The following BAIAP2 variants were observed in gnomAD, a reference collection of about 807,000 sequenced individuals.
BAIAP2 encodes BAR/IMD domain containing adaptor protein 2.
In BAIAP2, 18 loss-of-function variants were observed where a neutral mutation model predicts 63.0. The ratio of observed to expected loss-of-function variants is 0.29; its 90% CI spans 0.20 to 0.42. The LOEUF is 0.42. BAIAP2 is among the 10% of genes least tolerant of loss of function. BAIAP2 has a pLI of 1.00. For missense variants in BAIAP2, 610 were observed against 734.3 expected (o/e 0.83, Z 1.96); for synonymous variants, 386 against 307.6 (o/e 1.25, Z -2.67).
At chr17:81,049,182 G>C (rs1489364090) in intron 1 of BAIAP2, among the ~76,000 whole-genome samples, 8 of 152,258 alleles carry the variant, frequency 5.3e-5, no homozygotes, top group Admixed American at 5.2e-4. Flanking sequence ...CCTGGAGTTT[G>C]AGGAGTGTGG....
intron 3 of BAIAP2, chr17:81,083,152 AG>A (rs1381408056): frequency 6.6e-6 from 1 of 152,324 alleles, no homozygotes; most frequent in African/African-American, 2.4e-5. Context: ...TCGCCCGGTT[AG>A]GGCTTCCTGC....
At chr17:81,072,507 TG>T (rs2052874182) in intron 3 of BAIAP2, among the ~76,000 whole-genome samples, 1 of 152,210 alleles carries the variant, frequency 6.6e-6, no homozygotes, top group South Asian at 2.1e-4. Context: ...AGGCCCCACT[TG>T]GGCCACAGCC....
At chr17:81,069,276 T>C (rs1248530215) in intron 3 of BAIAP2, among the ~76,000 whole-genome samples, 2 of 152,216 alleles carry the variant, frequency 1.3e-5, no homozygotes, top group Non-Finnish European at 2.9e-5. Context: ...CCAACTGGAC[T>C]GTGTCCCGGG....
chr17:81,073,975 G>C (rs1298727220), intron 3 of BAIAP2, among the ~76,000 whole-genome samples: 4 of 152,202 alleles, frequency 2.6e-5, no homozygotes, highest in African/African-American at 9.7e-5. Context: ...ATGCTGATTT[G>C]TTTTCCTAAA....
At chr17:81,052,648 G>A (rs552926822) in intron 1 of BAIAP2, among the ~76,000 whole-genome samples, 2 of 152,336 alleles carry the variant, frequency 1.3e-5, no homozygotes, top group South Asian at 2.1e-4. Flanking sequence ...CCCGTGGTGG[G>A]GAGTGGCTTC....
intron 1 of BAIAP2, chr17:81,053,452 C>A: frequency 1.7e-6 from 1 of 588,478 alleles, no homozygotes. Context: ...CCCCTTTGCA[C>A]AGGTGTGAAA....
intron 7 of BAIAP2, 112 bp downstream of exon 7, chr17:81,100,192 C>T (rs2058297282): frequency 6.6e-6 from 9 of 1,356,282 alleles, no homozygotes; most frequent in East Asian, 5.4e-5. Flanking sequence ...TGTCCAGGCT[C>T]GAACTCTCGT....
chr17:81,104,976 A>AGCAGGGATCTCCCCCCAATG (rs1568181381), intron 10 of BAIAP2: 3 of 346,232 alleles, frequency 8.7e-6, no homozygotes, highest in East Asian at 6.6e-5. Flanking sequence ...TCCCCCCAAC[A>AGCAGGGATCTCCCCCCAATG]GCAGGGATCT....
At chr17:81,067,286 C>A (rs1265715788) in intron 3 of BAIAP2, among the ~76,000 whole-genome samples, 1 of 152,260 alleles carries the variant, frequency 6.6e-6, no homozygotes, top group Non-Finnish European at 1.5e-5. Context: ...CTGCCTCCCG[C>A]CCCATGGGGA....
chr17:81,060,799 A>T lies in BAIAP2; in HGVS notation c.217+2832A>T, dbSNP rs1043635234. Among the ~76,000 whole-genome samples, 3 of 152,256 alleles carry T rather than the reference A, an allele frequency of 2.0e-5. No individual in the cohort carries two copies. The South Asian group carries it at 6.2e-4, about 32-fold the overall frequency. ...CCCTCGGCTGCGTGTCTAAGAGGGCAGGTTTATGCCATTCCTCCTCCTCCT... is the reference window on the plus strand; with the variant it reads ...CCCTCGGCTGCGTGTCTAAGAGGGCTGGTTTATGCCATTCCTCCTCCTCCT... On this transcript the variant is annotated intron_variant, in intron 3 of 13. Transcript: ENST00000428708.
intron 12 of BAIAP2, chr17:81,108,102 CAGGGGCCCGCCCAGGCATGGGTG>C: frequency 3.1e-6 from 1 of 320,922 alleles, no homozygotes; most frequent in Non-Finnish European, 5.8e-6. Context: ...GGAGGAGTCC[CAGGGGCCCGCCCAGGCATGGGTG>C]AGGTGCTGCA....
chr17:81,075,220 G>A (rs1484977876), intron 3 of BAIAP2, among the ~76,000 whole-genome samples: 1 of 152,226 alleles, frequency 6.6e-6, no homozygotes, highest in African/African-American at 2.4e-5. Flanking sequence ...CGGCGGCCAG[G>A]TCTGCGCCTG....
intron 3 of BAIAP2, among the ~76,000 whole-genome samples, chr17:81,060,450 G>A (rs1408239621): frequency 2.0e-5 from 3 of 152,202 alleles, no homozygotes; most frequent in South Asian, 2.1e-4. Context: ...CATACGGTGT[G>A]TGACCTTCTG....
Position 81,110,306 on chromosome 17 carries a change from C to T in BAIAP2, c.1535+1797C>T, listed in dbSNP as rs2059761737. On this transcript the variant is annotated intron_variant, in intron 13 of 13. Transcript: ENST00000428708. Reference sequence around the variant, plus strand: ...GACCGGGCCCTGTGTAGAGACCCTTCCGCGCCGGCGTTCCCGCTCCGCTAA... The same window carrying T: ...GACCGGGCCCTGTGTAGAGACCCTTTCGCGCCGGCGTTCCCGCTCCGCTAA... 6 of 986,236 alleles carry T rather than the reference C, an allele frequency of 6.1e-6. No homozygotes were observed. In the African/African-American group the frequency reaches 8.7e-5, roughly 14 times the overall value. The allele number at this position is 986,236 out of a possible 1,614,324, so 61.1% of individuals were successfully genotyped here. A position where few individuals can be genotyped will look rare whatever the true frequency, so the allele number is the denominator to read the frequency against.
chr17:81,082,255 G>A (rs138561838), intron 3 of BAIAP2, among the ~76,000 whole-genome samples: 2 of 152,158 alleles, frequency 1.3e-5, no homozygotes, highest in Admixed American at 6.5e-5. Flanking sequence ...ACCCGTGTAC[G>A]GTTCACGCTT....
Position 81,108,517 on chromosome 17 carries a change from G to A in BAIAP2, c.1535+8G>A, listed in dbSNP as rs777093471. 1.2e-6 allele frequency: 2 copies of A among 1,613,892 alleles called. No individual in the cohort carries two copies. Among genetic ancestry groups the A allele is most frequent in the African/African-American group, 1.3e-5 (1 of 75,060 alleles). The stretch of plus-strand genomic sequence containing the variant: ...AGCGCGGTCCATGAGCAGGTAAGGG[G>A]ACTTTCAGACCTGTCTTTGGGACCG... On this transcript the variant is annotated splice_region_variant and intron_variant, in intron 13 of 13. Coordinates refer to ENST00000428708, the MANE Select transcript of BAIAP2 (RefSeq NM_001144888.2).
intron 13 of BAIAP2, chr17:81,110,980 G>T (rs149159500): frequency 2.5e-6 from 4 of 1,613,606 alleles, no homozygotes; most frequent in South Asian, 1.1e-5. Flanking sequence ...TGGCGTTCTC[G>T]TGCAGTCACT....
intron 3 of BAIAP2, among the ~76,000 whole-genome samples, chr17:81,063,401 G>A (rs112521998): frequency 0.05 from 7,681 of 152,284 alleles, 207 homozygotes; most frequent in Middle Eastern, 0.14. Context: ...TTCCATAAAC[G>A]TGTAACAGTT....
At chr17:81,091,851 G>A (rs1191570288) in intron 6 of BAIAP2, among the ~76,000 whole-genome samples, 1 of 152,226 alleles carries the variant, frequency 6.6e-6, no homozygotes, top group South Asian at 2.1e-4. Flanking sequence ...TAGTGCCTCT[G>A]GGGTCTCTGG....
Sources: gnomAD v4.1 joint callset for allele counts (sites outside exome capture counted in the v4.1 genomes callset) on GRCh38, gnomAD v4.1.1 for gene constraint, MANE v1.5 for transcripts, NCBI Gene and HGNC (gene_info 2026-07-23, HGNC 2026-07-21) for gene names.